KSR2: variants seen among roughly 807,000 people sequenced by gnomAD.
KSR2 encodes kinase suppressor of ras 2.
KSR2 carries 25 observed loss-of-function variants against 107.8 expected under a neutral mutation model. The ratio of observed to expected loss-of-function variants is 0.23; its 90% CI spans 0.17 to 0.32. The LOEUF (loss-of-function observed/expected upper bound fraction) is 0.32. KSR2 is among the 10% of genes least tolerant of loss of function. The pLI is 1.00. For synonymous variants in KSR2, 480 were observed against 507.0 expected, an observed-to-expected ratio of 0.95 and a Z score of 0.71; for missense variants, 887 against 1,268.9, an observed-to-expected ratio of 0.70 and a Z score of 4.57.
In KSR2 at chr12:117,948,562, T is replaced by C. The variant is rs907388192; in HGVS notation, c.180+19514A>G. ...TGATATTGACAAAGGAATACACACA[T>C]AGATCAGTGGGACAGGATAGAGTCC... On this transcript the variant is annotated intron_variant, in intron 1 of 19. Coordinates refer to ENST00000339824, the MANE Select transcript of KSR2 (RefSeq NM_173598.6). Among the ~76,000 whole-genome samples, 8 of 151,460 alleles carry C rather than the reference T, an allele frequency of 5.3e-5. 1 individual carries two copies. Among genetic ancestry groups the C allele is most frequent in the Non-Finnish European group, 8.8e-5 (6 of 67,960 alleles).
chr12:117,878,265 G>C (rs1204607820), intron 1 of KSR2, among the ~76,000 whole-genome samples: 1 of 148,586 alleles, frequency 6.7e-6, no homozygotes, highest in African/African-American at 2.6e-5. Context: ...TTCATCCAGG[G>C]CTGGCTTTTG....
At chr12:117,568,057 A>T (rs914469464) in intron 7 of KSR2, among the ~76,000 whole-genome samples, 1 of 152,214 alleles carries the variant, frequency 6.6e-6, no homozygotes, top group Non-Finnish European at 1.5e-5. Flanking sequence ...GGAAGTATTG[A>T]CATATAAATC....
intron 15 of KSR2, among the ~76,000 whole-genome samples, chr12:117,485,070 C>T (rs1167172637): frequency 1.3e-5 from 2 of 152,162 alleles, no homozygotes; most frequent in Admixed American, 1.3e-4. Flanking sequence ...CCTTTGTGAG[C>T]AGTCACATCT....
Position 117,793,112 on chromosome 12 carries a change from GCA to G in KSR2, c.473-31590_473-31589del, listed in dbSNP as rs35406648. 2.9e-3 allele frequency among the ~76,000 whole-genome samples: 237 copies of G among 80,698 alleles called. 2 individuals carry two copies. The highest frequency in any genetic ancestry group is 4.4e-3 in the South Asian group (9 of 2,042). The allele number at this position is 80,698 out of a possible 152,430, so 52.9% of individuals were successfully genotyped here. ...CCAACATGCACACTCACACCAACGT[GCA>G]CACAAACATGCACACACACACTAAC... On this transcript the variant is annotated intron_variant, in intron 3 of 19. Coordinates refer to ENST00000339824, the MANE Select transcript of KSR2 (RefSeq NM_173598.6).
At chr12:117,931,804 T>C (rs1235568953) in intron 1 of KSR2, among the ~76,000 whole-genome samples, 1 of 152,220 alleles carries the variant, frequency 6.6e-6, no homozygotes, top group Non-Finnish European at 1.5e-5. Flanking sequence ...TTACTATAAC[T>C]GCAATGGTTA....
intron 1 of KSR2, among the ~76,000 whole-genome samples, chr12:117,955,016 CAAA>C (rs377637674): frequency 7.4e-5 from 9 of 122,310 alleles, no homozygotes; most frequent in Non-Finnish European, 7.0e-5. Flanking sequence ...GACCCTGTCT[CAAA>C]AAAAAAAAAA....
Position 117,953,959 on chromosome 12 carries a change from G to A in KSR2, c.180+14117C>T, listed in dbSNP as rs554482742. On this transcript the variant is annotated intron_variant, in intron 1 of 19. Coordinates refer to ENST00000339824, the MANE Select transcript of KSR2 (RefSeq NM_173598.6). ...TTAAAAATTAGCTAGGCATGGTGGT[G>A]TGCACCTGTAGTCCCAGCTACTCAG... is the stretch of plus-strand genomic sequence containing the variant. Among the ~76,000 whole-genome samples the A allele has an allele frequency of 3.3e-5, 5 of 152,074 alleles. No individual in the cohort carries two copies. The South Asian group carries it at 1.0e-3, about 32-fold the overall frequency.
intron 14 of KSR2, among the ~76,000 whole-genome samples, chr12:117,520,671 C>T (rs1447438134): frequency 6.6e-6 from 1 of 152,206 alleles, no homozygotes; most frequent in Non-Finnish European, 1.5e-5. Flanking sequence ...TCCCTTTGTG[C>T]ACCCACCCTT....
intron 5 of KSR2, among the ~76,000 whole-genome samples, chr12:117,595,765 T>C (rs886265974): frequency 7.2e-5 from 11 of 152,324 alleles, no homozygotes; most frequent in African/African-American, 2.6e-4. Context: ...GGCCACCTCA[T>C]TAAAATCTCC....
intron 4 of KSR2, among the ~76,000 whole-genome samples, chr12:117,757,190 A>ATGACTTT (rs1415370775): frequency 6.6e-6 from 1 of 152,234 alleles, no homozygotes; most frequent in African/African-American, 2.4e-5. Flanking sequence ...ACCCTCATGG[A>ATGACTTT]TGACTTTGAG....
intron 5 of KSR2, among the ~76,000 whole-genome samples, chr12:117,649,112 C>T (rs1883780153): frequency 6.6e-6 from 1 of 152,154 alleles, no homozygotes. Flanking sequence ...TGCACATTTG[C>T]CAGATGAAGA....
At chr12:117,611,029 A>G (rs1299070165) in intron 5 of KSR2, among the ~76,000 whole-genome samples, 1 of 152,228 alleles carries the variant, frequency 6.6e-6, no homozygotes, top group Non-Finnish European at 1.5e-5. Flanking sequence ...TACAGGCTGC[A>G]TAGTTTACGC....
rs535365512 is a variant in KSR2 at position 117,944,317 on chromosome 12, G to A, written c.180+23759C>T. Among the ~76,000 whole-genome samples, 6 of 152,096 alleles carry A rather than the reference G, an allele frequency of 3.9e-5. No individual in the cohort carries two copies. The South Asian group carries it at 6.2e-4, about 16-fold the overall frequency. On this transcript the variant is annotated intron_variant, in intron 1 of 19. Coordinates refer to ENST00000339824, the MANE Select transcript of KSR2 (RefSeq NM_173598.6). ...CTTGAACCCGGGAGACGGAGGTTGC[G>A]GTGAGCCGAGATCGTGCCATTGCAC...
rs1030559042 is a variant in KSR2 at position 117,780,874 on chromosome 12, A to C, written c.473-19350T>G. 4.2e-4 allele frequency among the ~76,000 whole-genome samples: 64 copies of C among 152,184 alleles called. 2 individuals are homozygous for C. Among genetic ancestry groups the C allele is most frequent in the Non-Finnish European group, 7.3e-5 (5 of 68,034 alleles). The stretch of plus-strand genomic sequence containing the variant: ...GCTAAACAAGGAATCACATCTCACA[A>C]TGTCATAAAGGTTGTTGCAATGTAA... On this transcript the variant is annotated intron_variant, in intron 3 of 19. Coordinates refer to ENST00000339824, the MANE Select transcript of KSR2 (RefSeq NM_173598.6).
intron 7 of KSR2, among the ~76,000 whole-genome samples, chr12:117,563,812 C>G (rs73405380): frequency 6.6e-6 from 1 of 151,982 alleles, no homozygotes. Flanking sequence ...CAGAGGCATG[C>G]TCATTTTAGG....
chr12:117,674,306 T>C, intron 4 of KSR2: 1 of 509,142 alleles, frequency 2.0e-6, no homozygotes. Context: ...GCCTCCTCGC[T>C]GGAATCGCAG....
chr12:117,498,806 CTT>C (rs946930028), intron 14 of KSR2, among the ~76,000 whole-genome samples: 1 of 152,212 alleles, frequency 6.6e-6, no homozygotes, highest in African/African-American at 2.4e-5. Context: ...GTTTTCTTCT[CTT>C]GTCTGCCGCC....
chr12:117,915,589 C>A (rs1487604770), intron 1 of KSR2, among the ~76,000 whole-genome samples: 1 of 152,150 alleles, frequency 6.6e-6, no homozygotes, highest in East Asian at 1.9e-4. Context: ...GGGGCCCCAG[C>A]CATCAGGCTG....
intron 1 of KSR2, among the ~76,000 whole-genome samples, chr12:117,878,198 G>A (rs546836743): frequency 2.0e-5 from 3 of 147,110 alleles, no homozygotes; most frequent in East Asian, 1.9e-4. Flanking sequence ...AATCACTCCC[G>A]GCCTTTTTGG....
Sources: allele counts gnomAD v4.1 joint callset (sites outside exome capture counted in the v4.1 genomes callset), GRCh38; gene constraint gnomAD v4.1.1; transcripts MANE v1.5; gene names NCBI Gene and HGNC (gene_info 2026-07-23, HGNC 2026-07-21).